The following SMARCA4 variants were observed in gnomAD, a reference collection of about 807,000 sequenced individuals.
SMARCA4 encodes SWI/SNF related BAF chromatin remodeling complex subunit ATPase 4, also known as SWI/SNF-related matrix-associated actin-dependent regulator of chromatin subfamily A member 4.
Under a neutral mutation model 193.9 loss-of-function variants are expected in SMARCA4, and 31 were observed. That is an observed-to-expected ratio of 0.16 (90% CI 0.12 to 0.22). The LOEUF is 0.22. Among genes scored for constraint, SMARCA4 ranks in the 10% least tolerant of loss-of-function variants. The pLI is 1.00. For synonymous variants in SMARCA4, 942 were observed against 933.1 expected, an observed-to-expected ratio of 1.01 and a Z score of -0.17; for missense variants, 1,148 against 2,296.0, an observed-to-expected ratio of 0.50 and a Z score of 10.22.
In SMARCA4 at chr19:11,041,217, T is replaced by G. The variant is rs2146807666; in HGVS notation, c.4171-90T>G. ...GAGCGGGTGCGGGGGCCCTCCTCCG[T>G]GTCCCAGCCCGGCCCCTGGGATTGC... On this transcript the variant is annotated intron_variant, in intron 29 of 34. Coordinates refer to ENST00000344626, the MANE Select transcript of SMARCA4 (RefSeq NM_003072.5). This position sits in a 1 kb window ranked among gnomAD's most constrained non-coding sequence, Gnocchi z 5.6. 2 of 1,408,940 alleles carry G rather than the reference T, an allele frequency of 1.4e-6. No homozygotes were observed. The highest frequency in any genetic ancestry group is 1.9e-6 in the Non-Finnish European group (2 of 1,036,490). 87.3% of individuals were successfully genotyped at this position (1,408,940 alleles called of 1,614,324 possible). A position where few individuals can be genotyped will look rare whatever the true frequency, so the allele number is the denominator to read the frequency against.
At chr19:11,061,654 G>T (rs992615686) in intron 34 of SMARCA4, 130 bp from the exon 35 acceptor site, 5 of 888,460 alleles carry the variant, frequency 5.6e-6, no homozygotes, top group Non-Finnish European at 9.4e-6. Context: ...GGGATTACGG[G>T]CGTGAGCCAC....
rs1179728954 is a variant in SMARCA4, at chr19:11,033,002, T to C, written c.3547-288T>C. ...CGCTGCCACGGGAGCTGCTTGAGAA[T>C]ATAATCCCCTGGGGGGTTGGTGCTT... is the stretch of plus-strand genomic sequence containing the variant. On this transcript the variant is annotated intron_variant, in intron 25 of 34. Coordinates refer to ENST00000344626, the MANE Select transcript of SMARCA4 (RefSeq NM_003072.5). This position sits in a 1 kb window ranked among gnomAD's most constrained non-coding sequence, Gnocchi z 9.8. The C allele has an allele frequency of 3.9e-6, 2 of 516,626 alleles. No homozygotes were observed. Among genetic ancestry groups the C allele is most frequent in the African/African-American group, 3.8e-5 (2 of 52,170 alleles). 32.0% of individuals were successfully genotyped at this position (516,626 alleles called of 1,614,324 possible). A position where few individuals can be genotyped will look rare whatever the true frequency, so the allele number is the denominator to read the frequency against.
rs2045016239 is a variant in SMARCA4, at chr19:11,021,415, T to C, written c.2617-310T>C. 6.4e-6 allele frequency: 3 copies of C among 469,584 alleles called. No homozygotes were observed. The Admixed American group carries it at 8.9e-5, about 14-fold the overall frequency. The allele number at this position is 469,584 out of a possible 1,614,324, so 29.1% of individuals were successfully genotyped here. On this transcript the variant is annotated intron_variant, in intron 18 of 34. Coordinates refer to ENST00000344626, the MANE Select transcript of SMARCA4 (RefSeq NM_003072.5). Reference sequence around the variant, plus strand: ...TTCTGCCAGAACGTGCTCGGCATTTTTCTGTGCTGTAGATTCATATGTGTG... The same window carrying C: ...TTCTGCCAGAACGTGCTCGGCATTTCTCTGTGCTGTAGATTCATATGTGTG...
At chr19:10,992,831 T>C (rs978928042) in intron 8 of SMARCA4, among the ~76,000 whole-genome samples, 10 of 152,072 alleles carry the variant, frequency 6.6e-5, no homozygotes, top group Admixed American at 2.6e-4. Flanking sequence ...GACCTCGTGA[T>C]CCGCCTGCCT....
chr19:10,962,308 A>G (rs2083874622), intron 1 of SMARCA4, among the ~76,000 whole-genome samples: 1 of 152,128 alleles, frequency 6.6e-6, no homozygotes, highest in Non-Finnish European at 1.5e-5. Context: ...ATTGTTCAGC[A>G]GATAACTTCT....
intron 7 of SMARCA4, among the ~76,000 whole-genome samples, chr19:10,990,927 C>T (rs920265354): frequency 2.0e-5 from 3 of 152,196 alleles, no homozygotes; most frequent in African/African-American, 7.2e-5. Flanking sequence ...GCTGGAGGTC[C>T]GAGAGGACCC....
rs1600398046 is a variant in SMARCA4, at chr19:11,034,203, A to G, written c.3951+3A>G. ...AGGAGGAGTTTGATCTGTTCATGGTAAGCGCTGCAGGCTGGATGGGGCAGT... is the reference window on the plus strand; with the variant it reads ...AGGAGGAGTTTGATCTGTTCATGGTGAGCGCTGCAGGCTGGATGGGGCAGT... On this transcript the variant is annotated splice_donor_region_variant and intron_variant, in intron 28 of 34. Coordinates refer to ENST00000344626, the MANE Select transcript of SMARCA4 (RefSeq NM_003072.5). The surrounding 1 kb of genome is among the most constrained non-coding windows in gnomAD (Gnocchi z 7.0). The G allele has an allele frequency of 1.2e-6, 2 of 1,612,066 alleles. No individual in the cohort carries two copies. The highest frequency in any genetic ancestry group is 8.5e-7 in the Non-Finnish European group (1 of 1,178,376).
At chr19:11,057,460 G>A (rs966381838) in intron 30 of SMARCA4, among the ~76,000 whole-genome samples, 1 of 152,240 alleles carries the variant, frequency 6.6e-6, no homozygotes, top group Non-Finnish European at 1.5e-5. Flanking sequence ...GCCGGCTGCA[G>A]TGGCTTCTGC....
At chr19:11,035,773 G>T (rs1038862253) in intron 29 of SMARCA4, among the ~76,000 whole-genome samples, 5 of 152,226 alleles carry the variant, frequency 3.3e-5, no homozygotes, top group Non-Finnish European at 7.3e-5. Flanking sequence ...GGCTTCACCC[G>T]ACCCAACTTT....
rs551806728 is a variant in SMARCA4 at position 10,984,792 on chromosome 19, C to T, written c.222+419C>T. Among the ~76,000 whole-genome samples the T allele has an allele frequency of 1.4e-3, 216 of 152,332 alleles. No individual in the cohort carries two copies. The highest frequency in any genetic ancestry group is 4.6e-3 in the African/African-American group (192 of 41,582). On this transcript the variant is annotated intron_variant, in intron 2 of 34. Coordinates refer to ENST00000344626, the MANE Select transcript of SMARCA4 (RefSeq NM_003072.5). This position sits in a 1 kb window ranked among gnomAD's most constrained non-coding sequence, Gnocchi z 4.3. ...GCAGCGGGTTCCCTTTCCTCCAAGGCGTGCCCCTCAGCCACTGTCTTTACC... is the reference window on the plus strand; with the variant it reads ...GCAGCGGGTTCCCTTTCCTCCAAGGTGTGCCCCTCAGCCACTGTCTTTACC...
intron 23 of SMARCA4, 115 bp downstream of exon 23, chr19:11,026,461 G>T: frequency 4.5e-5 from 32 of 711,052 alleles, no homozygotes; most frequent in Middle Eastern, 2.5e-4. Flanking sequence ...CAGAAAATTA[G>T]AAAATACAGA....
At position 11,041,498 on chromosome 19, in the gene SMARCA4, C is replaced by T. The variant is rs530717926; in HGVS notation, c.4362C>T (p.Asn1454=). The T allele has an allele frequency of 1.2e-6, 2 of 1,613,944 alleles. No homozygotes were observed. Among genetic ancestry groups the T allele is most frequent in the Admixed American group, 1.7e-5 (1 of 60,028 alleles). ...GRPPAEKLSP[N]PPNLTKKMKK... is the part of the protein sequence containing the mutation. ...CGCCTGCCGAGAAACTCTCCCCTAACCCACCCAACCTCACCAAGAAGATGA... is the reference window on the plus strand; with the variant it reads ...CGCCTGCCGAGAAACTCTCCCCTAATCCACCCAACCTCACCAAGAAGATGA... Residue 1454 remains asparagine, a synonymous_variant, in exon 30 of 35, where the codon AAC becomes AAT. Transcript: ENST00000344626. This position sits in a 1 kb window ranked among gnomAD's most constrained non-coding sequence, Gnocchi z 5.6.
At chr19:10,974,392 C>G (rs2084928578) in intron 1 of SMARCA4, among the ~76,000 whole-genome samples, 1 of 150,118 alleles carries the variant, frequency 6.7e-6, no homozygotes, top group Admixed American at 6.6e-5. Flanking sequence ...TCTTTTATTT[C>G]CACAAAGACA....
chr19:10,975,318 C>CT (rs372249804), intron 1 of SMARCA4, among the ~76,000 whole-genome samples: 5,624 of 107,412 alleles, frequency 0.052, 206 homozygotes, highest in Admixed American at 0.076. Flanking sequence ...TCCAACCTTA[C>CT]TTTTTTTTTT....
At chr19:11,003,441 G>T in intron 13 of SMARCA4, 44 bp downstream of exon 13, 1 of 1,532,166 alleles carries the variant, frequency 6.5e-7, no homozygotes, top group Middle Eastern at 1.7e-4. Context: ...AGTGCCCACT[G>T]GCAGTGACTT....
intron 13 of SMARCA4, among the ~76,000 whole-genome samples, chr19:11,005,828 C>T (rs1378627164): frequency 3.3e-5 from 5 of 152,188 alleles, no homozygotes; most frequent in Non-Finnish European, 7.3e-5. Context: ...TTTTAAGGTT[C>T]AATGATTCTA....
intron 1 of SMARCA4, among the ~76,000 whole-genome samples, chr19:10,963,143 C>T (rs1440418925): frequency 2.0e-5 from 3 of 151,818 alleles, no homozygotes; most frequent in African/African-American, 7.2e-5. Context: ...GAGGCTGAGG[C>T]GGGAAAATTG....
chr19:11,017,513 G>A (rs1255226790), intron 16 of SMARCA4, among the ~76,000 whole-genome samples: 4 of 152,262 alleles, frequency 2.6e-5, no homozygotes, highest in Admixed American at 6.5e-5. Flanking sequence ...ATGGGCATCC[G>A]GCTGTGCCGG....
Position 11,058,792 on chromosome 19 carries a change from G to A in SMARCA4, c.4538G>A (p.Arg1513His), listed in dbSNP as rs1600635111. 2 of 1,613,804 alleles carry A rather than the reference G, an allele frequency of 1.2e-6. No homozygotes were observed. The highest frequency in any genetic ancestry group is 1.7e-6 in the Non-Finnish European group (2 of 1,179,798). ...KPVDFKKIKE[R>H]IRNHKYRSLN... Reference sequence around the variant, plus strand: ...TGCTCCTCCCGTCCACTGCAGGAGCGCATTCGCAACCACAAGTACCGCAGC... The same window carrying A: ...TGCTCCTCCCGTCCACTGCAGGAGCACATTCGCAACCACAAGTACCGCAGC... Residue 1513 changes from arginine (R) to histidine (H), a missense_variant, in exon 32 of 35, where the codon CGC becomes CAC. This residue lies in a region of SMARCA4 where 141 missense variants were observed against 193.0 expected (regional missense o/e 0.73). Transcript: ENST00000344626. This position sits in a 1 kb window ranked among gnomAD's most constrained non-coding sequence, Gnocchi z 5.8.
Sources: gnomAD v4.1 joint callset for allele counts (sites outside exome capture counted in the v4.1 genomes callset) on GRCh38, gnomAD v4.1.1 for gene constraint, gnomAD v4.1.1 regional missense constraint, Gnocchi (gnomAD v3.1) non-coding constraint, MANE v1.5 for transcripts, NCBI Gene and HGNC (gene_info 2026-07-23, HGNC 2026-07-21) for gene names.